SZT2: variants seen among roughly 807,000 people sequenced by gnomAD.
SZT2 encodes the protein KICSTOR complex protein SZT2.
In SZT2, 216 loss-of-function variants were observed where a neutral mutation model predicts 404.2. The ratio of observed to expected loss-of-function variants is 0.53; its 90% CI spans 0.48 to 0.60. The LOEUF is 0.60. Ranked by LOEUF, SZT2 falls within the 20% of genes least tolerant of loss-of-function variation. The pLI is 0.00. For missense variants in SZT2, 3,857 were observed against 4,459.2 expected (o/e 0.86, Z 3.85); for synonymous variants, 1,693 against 1,749.9 (o/e 0.97, Z 0.81).
At chr1:43,412,532 C>T (rs577614236) in intron 4 of SZT2, 1 of 152,284 alleles carries the variant, frequency 6.6e-6, no homozygotes, top group East Asian at 1.9e-4. Context: ...GCGATCTTCC[C>T]ATCTTGGCCT....
rs1426248363 is a variant in SZT2 at position 43,420,028 on chromosome 1, G to A, written c.1090+84G>A. ...GATGGGGCCCTGGAGGACTGAAAGTGTAACTGGGGCTGGCTCTGCTGGCAC... is the reference window on the plus strand; with the variant it reads ...GATGGGGCCCTGGAGGACTGAAAGTATAACTGGGGCTGGCTCTGCTGGCAC... On this transcript the variant is annotated intron_variant, in intron 8 of 71. Coordinates refer to ENST00000634258, the MANE Select transcript of SZT2 (RefSeq NM_001365999.1). This position sits in a 1 kb window ranked among gnomAD's most constrained non-coding sequence, Gnocchi z 5.1. 4.5e-5 allele frequency: 70 copies of A among 1,571,730 alleles called. No homozygotes were observed. The highest frequency in any genetic ancestry group is 5.7e-5 in the Non-Finnish European group (66 of 1,161,050).
Position 43,442,976 on chromosome 1 carries a change from A to G in SZT2, c.8309A>G (p.Asp2770Gly), listed in dbSNP as rs1655238087. The part of the protein sequence containing the change: ...DTFPFDEALR[D>G]ITAARPSSVL... ...TTCCCCTTTGACGAGGCCCTAAGGG[A>G]TATCACGGCTGCCCGCCCCAGCTCC... is the stretch of plus-strand genomic sequence containing the variant. The change falls in exon 59 of 72, where the codon GAT becomes GGT. Residue 2770 changes from aspartate to glycine, a missense_variant. Asp to Gly is a moderately conservative substitution (Grantham distance 94). Coordinates refer to ENST00000634258, the MANE Select transcript of SZT2 (RefSeq NM_001365999.1). The surrounding 1 kb of genome is among the most constrained non-coding windows in gnomAD (Gnocchi z 4.5). The G allele has an allele frequency of 1.2e-6, 2 of 1,613,854 alleles. No individual in the cohort carries two copies. The highest frequency in any genetic ancestry group is 1.3e-5 in the African/African-American group (1 of 74,842).
rs765555256 is a variant in SZT2, at chr1:43,453,536, T to G, written c.*3056T>G. The G allele has an allele frequency of 5.3e-6, 8 of 1,521,946 alleles. No individual in the cohort carries two copies. In the African/African-American group the frequency reaches 5.5e-5, roughly 11 times the overall value. 94.3% of individuals were successfully genotyped at this position (1,521,946 alleles called of 1,614,324 possible). On this transcript the variant is annotated 3_prime_UTR_variant, in exon 72 of 72. Coordinates refer to ENST00000634258, the MANE Select transcript of SZT2 (RefSeq NM_001365999.1). ...GGGCCTCAGCCCCCGGCTCGGACAC[T>G]CCCCTGCCCGCGCCCCGGCACCCCC...
chr1:43,409,539 A>G (rs1350198290), intron 4 of SZT2: 1 of 356,448 alleles, frequency 2.8e-6, no homozygotes, highest in South Asian at 2.2e-5. Flanking sequence ...CCACCAAAAA[A>G]CTATTAGAAC....
chr1:43,449,310 A>G, intron 70 of SZT2: 1 of 161,684 alleles, frequency 6.2e-6, no homozygotes, highest in Non-Finnish European at 1.4e-5. Flanking sequence ...GCTGAGGTTC[A>G]AGAGAGGAGG....
At chr1:43,447,233 G>A (rs1269716351) in intron 66 of SZT2, 65 bp downstream of exon 66, 6 of 1,518,868 alleles carry the variant, frequency 4.0e-6, no homozygotes, top group East Asian at 4.9e-5. Context: ...TCCAGGTCAG[G>A]GCTGGTGGGA....
At position 43,432,167 on chromosome 1, in the gene SZT2, A is replaced by G. The variant is rs184172094; in HGVS notation, c.5275-105A>G. The G allele has an allele frequency of 2.7e-3, 3,489 of 1,279,148 alleles. 77 individuals carry two copies. In the Admixed American group the frequency reaches 0.051, roughly 19 times the overall value. The allele number at this position is 1,279,148 out of a possible 1,614,324, so 79.2% of individuals were successfully genotyped here. ...TTACCTCAGCAGTGGGGATGCCAGCATCTGCTTTACCAGGTAGTTAGGAGC... is the reference window on the plus strand; with the variant it reads ...TTACCTCAGCAGTGGGGATGCCAGCGTCTGCTTTACCAGGTAGTTAGGAGC... On this transcript the variant is annotated intron_variant, in intron 36 of 71. Coordinates refer to ENST00000634258, the MANE Select transcript of SZT2 (RefSeq NM_001365999.1).
chr1:43,430,897 TCTGTG>T (rs1488454870), intron 32 of SZT2, 47 bp from the exon 33 acceptor site: 1 of 1,589,576 alleles, frequency 6.3e-7, no homozygotes, highest in Non-Finnish European at 8.6e-7. Context: ...GATCTTGGAA[TCTGTG>T]CTTGTCTTAG....
Position 43,437,201 on chromosome 1 carries a change from G to T in SZT2, c.6065G>T (p.Arg2022Leu). The T allele has an allele frequency of 1.2e-6, 2 of 1,614,144 alleles. No homozygotes were observed. Among genetic ancestry groups the T allele is most frequent in the Middle Eastern group, 1.6e-4 (1 of 6,062 alleles). The change falls in exon 43 of 72, where the codon CGT (arginine) becomes CTT (leucine). Residue 2022 changes from arginine (R) to leucine (L), a missense_variant. By Grantham distance (102) the Arg-to-Leu change is moderately radical. This residue lies in a region of SZT2 where 1,725 missense variants were observed against 1,881.0 expected (regional missense o/e 0.92). Transcript: ENST00000634258. The surrounding 1 kb of genome is among the most constrained non-coding windows in gnomAD (Gnocchi z 5.3). ...DYAADESCAP[R>L]GYLAATMQFV... is the part of the protein sequence containing the mutation. ...GCTGCTGATGAGAGCTGTGCGCCCCGTGGGTACCTGGCAGCCACAATGCAG... is the reference window on the plus strand; with the variant it reads ...GCTGCTGATGAGAGCTGTGCGCCCCTTGGGTACCTGGCAGCCACAATGCAG...
At chr1:43,415,825 T>C (rs1005267661) in intron 5 of SZT2, 135 bp from the exon 6 acceptor site, 1 of 990,438 alleles carries the variant, frequency 1.0e-6, no homozygotes, top group South Asian at 1.7e-5. Context: ...CTCAGCCGCA[T>C]AGTAGGGGAA....
At chr1:43,410,929 T>C (rs931323024) in intron 4 of SZT2, among the ~76,000 whole-genome samples, 4 of 152,040 alleles carry the variant, frequency 2.6e-5, no homozygotes, top group Non-Finnish European at 4.4e-5. Context: ...TTGATAGCAC[T>C]GAGTTGCTGG....
chr1:43,430,590 G>T lies in SZT2; in HGVS notation c.4575G>T (p.Gly1525=), dbSNP rs1447333378. ...ESRESDLGPA[G]LDSASLSDVD... The stretch of plus-strand genomic sequence containing the variant: ...GTGAATCAGACCTGGGGCCTGCTGG[G>T]CTAGACTCTGCCTCGCTGTCAGACG... The change falls in exon 32 of 72, where the codon GGG becomes GGT. Residue 1525 remains glycine, a synonymous_variant. Coordinates refer to ENST00000634258, the MANE Select transcript of SZT2 (RefSeq NM_001365999.1). 7 of 1,614,072 alleles carry T rather than the reference G, an allele frequency of 4.3e-6. No homozygotes were observed. In the African/African-American group the frequency reaches 9.3e-5, roughly 22 times the overall value.
chr1:43,453,076 T>G lies in SZT2; in HGVS notation c.*2596T>G. 1 of 887,318 alleles carries G rather than the reference T, an allele frequency of 1.1e-6. No individual in the cohort carries two copies. The highest frequency in any genetic ancestry group is 1.9e-6 in the Non-Finnish European group (1 of 539,684). The allele number at this position is 887,318 out of a possible 1,614,324, so 55.0% of individuals were successfully genotyped here. On this transcript the variant is annotated 3_prime_UTR_variant, in exon 72 of 72. Transcript: ENST00000634258. Reference sequence around the variant, plus strand: ...TCCAGACAGGGTTAGGTGCCTACCCTGCTCCCACAGCTTCCTGGAATAGGC... The same window carrying G: ...TCCAGACAGGGTTAGGTGCCTACCCGGCTCCCACAGCTTCCTGGAATAGGC...
intron 65 of SZT2, 34 bp downstream of exon 65, chr1:43,446,450 C>T (rs760591227): frequency 6.2e-7 from 1 of 1,612,600 alleles, no homozygotes; most frequent in Non-Finnish European, 8.5e-7. Flanking sequence ...AGTCAGTGCA[C>T]CCCAGTGTGC....
chr1:43,399,840 G>A (rs1299834545), intron 1 of SZT2, among the ~76,000 whole-genome samples: 2 of 152,044 alleles, frequency 1.3e-5, no homozygotes, highest in Non-Finnish European at 2.9e-5. Flanking sequence ...TCACTCAAAG[G>A]ATGAATCCAA....
In SZT2 at chr1:43,452,892, A is replaced by G. The variant is rs776358909; in HGVS notation, c.*2412A>G. ...ACATTCCAGGCCTCCCCATCCCAAC[A>G]GGCTACATACATGTCCAGCCTCAGG... On this transcript the variant is annotated 3_prime_UTR_variant, in exon 72 of 72. Transcript: ENST00000634258. The G allele has an allele frequency of 1.3e-6, 2 of 1,592,570 alleles. No individual in the cohort carries two copies. Among genetic ancestry groups the G allele is most frequent in the South Asian group, 1.1e-5 (1 of 87,044 alleles).
chr1:43,438,961 G>A lies in SZT2; in HGVS notation c.6660G>A (p.Glu2220=). The part of the protein sequence containing the change: ...FIQPPGSLPS[E]VLHLALPTSC... The stretch of plus-strand genomic sequence containing the variant: ...AGCCCCCTGGAAGTCTCCCCTCAGA[G>A]GTGCTGCATCTGGCCCTACCCACCT... The change falls in exon 48 of 72, where the codon GAG becomes GAA. Residue 2220 remains glutamate (E), a synonymous_variant. Coordinates refer to ENST00000634258, the MANE Select transcript of SZT2 (RefSeq NM_001365999.1). 1 of 1,614,194 alleles carries A rather than the reference G, an allele frequency of 6.2e-7. No individual in the cohort carries two copies. The highest frequency in any genetic ancestry group is 2.2e-5 in the East Asian group (1 of 44,886).
chr1:43,420,757 C>T lies in SZT2; in HGVS notation c.1270C>T (p.Gln424Ter). ...TTCCGCTTCTCCCTAAGGAGGGTCC[C>T]AATTGGAGGTAAAGCTGGTGCTGCT... ...REVTLAKGGSQLEVKLVLLWK... is the reference protein window; with the variant it reads ...REVTLAKGGS Residue 424 changes from glutamine (Q) to a stop codon, truncating the protein, a stop_gained, in exon 10 of 72, where the codon CAA (glutamine) becomes TAA (stop). Transcript: ENST00000634258. LOFTEE classifies it high-confidence loss of function. This position sits in a 1 kb window ranked among gnomAD's most constrained non-coding sequence, Gnocchi z 5.1. 6.3e-7 allele frequency: 1 copy of T among 1,598,348 alleles called. No homozygotes were observed. Among genetic ancestry groups the T allele is most frequent in the East Asian group, 2.2e-5 (1 of 44,870 alleles).
Position 43,424,851 on chromosome 1 carries a change from C to T in SZT2, c.2539C>T (p.Leu847Phe). ...AGGAATCATCAACATGGTTCTGGAG[C>T]TTCCAATTCAGGTACGTGCCATCCC... The part of the protein sequence containing the change: ...GEGIINMVLE[L>F]PIQNEPPGQA... The change falls in exon 17 of 72, where the codon CTT becomes TTT. Residue 847 changes from leucine to phenylalanine, a missense_variant. By Grantham distance (22) the Leu-to-Phe change is conservative (BLOSUM62 0). This residue lies in a region of SZT2 where 1,725 missense variants were observed against 1,881.0 expected (regional missense o/e 0.92). Coordinates refer to ENST00000634258, the MANE Select transcript of SZT2 (RefSeq NM_001365999.1). This position sits in a 1 kb window ranked among gnomAD's most constrained non-coding sequence, Gnocchi z 4.1. The T allele has an allele frequency of 6.2e-7, 1 of 1,614,008 alleles. No individual in the cohort carries two copies. Among genetic ancestry groups the T allele is most frequent in the Non-Finnish European group, 8.5e-7 (1 of 1,179,892 alleles).
Sources: allele counts gnomAD v4.1 joint callset (sites outside exome capture counted in the v4.1 genomes callset), GRCh38; gene constraint gnomAD v4.1.1; regional missense constraint gnomAD v4.1.1; non-coding constraint Gnocchi (gnomAD v3.1); transcripts MANE v1.5; gene names NCBI Gene and HGNC (gene_info 2026-07-23, HGNC 2026-07-21).